Variants in C10orf71 observed in about 807,000 individuals in gnomAD.
C10orf71 encodes the protein cardiac-enriched FHL2-interacting protein.
For synonymous variants in C10orf71, 758 were observed against 726.3 expected, an observed-to-expected ratio of 1.04 and a Z score of -0.70; for missense variants, 1,869 against 1,804.5, an observed-to-expected ratio of 1.04 and a Z score of -0.65.
chr10:49,308,787 G>A (rs199891449), intron 1 of C10orf71, among the ~76,000 whole-genome samples: 4 of 152,212 alleles, frequency 2.6e-5, no homozygotes, highest in East Asian at 1.9e-4. Context: ...TCACGCTTAC[G>A]AGATCTTACG....
chr10:49,326,726 C>G lies in C10orf71; in HGVS notation c.4181C>G (p.Pro1394Arg). The change falls in exon 3 of 3, where the codon CCG becomes CGG. Residue 1394 changes from proline (P) to arginine (R), a missense_variant. Coordinates refer to ENST00000374144, the MANE Select transcript of C10orf71 (RefSeq NM_001135196.2). ...LDPGPHGDCT[P>R]HSAGQRPHGP... ...CCAGGGCCTCACGGTGACTGCACCC[C>G]GCACTCTGCAGGCCAGCGCCCTCAT... The G allele has an allele frequency of 6.4e-7, 1 of 1,551,318 alleles. No individual in the cohort carries two copies. Among genetic ancestry groups the G allele is most frequent in the African/African-American group, 1.4e-5 (1 of 73,158 alleles).
chr10:49,325,153 C>T lies in C10orf71; in HGVS notation c.2608C>T (p.Pro870Ser), dbSNP rs1849196582. 5 of 1,552,128 alleles carry T rather than the reference C, an allele frequency of 3.2e-6. No individual in the cohort carries two copies. The highest frequency in any genetic ancestry group is 2.7e-5 in the African/African-American group (2 of 73,164). The stretch of plus-strand genomic sequence containing the variant: ...CCTCAGAGCTACCCCCGTAATTAAA[C>T]CTATCATGCTGCCTCTCCTGAGGAC... ...NTLRATPVIK[P>S]IMLPLLRTMS... The change falls in exon 3 of 3, where the codon CCT (proline) becomes TCT (serine). Residue 870 changes from proline (P) to serine (S), a missense_variant. Pro to Ser is a moderately conservative substitution (Grantham distance 74, BLOSUM62 -1). Coordinates refer to ENST00000374144, the MANE Select transcript of C10orf71 (RefSeq NM_001135196.2).
chr10:49,323,330 C>T lies in C10orf71; in HGVS notation c.785C>T (p.Pro262Leu), dbSNP rs774897145. 6.2e-7 allele frequency: 1 copy of T among 1,613,872 alleles called. No individual in the cohort carries two copies. The highest frequency in any genetic ancestry group is 8.5e-7 in the Non-Finnish European group (1 of 1,179,838). ...CACCACAAGCCAGTCACGGGTGAGC[C>T]TGGGAGAGGCAAAGGTACCTTTCTG... ...SPHHKPVTGEPGRGKGTFLHS... is the reference protein window; with the variant it reads ...SPHHKPVTGELGRGKGTFLHS... The change falls in exon 3 of 3, where the codon CCT (proline) becomes CTT (leucine). Residue 262 changes from proline to leucine, a missense_variant. Coordinates refer to ENST00000374144, the MANE Select transcript of C10orf71 (RefSeq NM_001135196.2).
chr10:49,323,189 A>C lies in C10orf71; in HGVS notation c.644A>C (p.Lys215Thr), dbSNP rs1454599206. The part of the protein sequence containing the change: ...THQNSYQPGR[K>T]HGEQESSKNP... ...CAGAACAGCTACCAGCCAGGCAGGA[A>C]GCACGGAGAACAGGAGTCCTCCAAG... Residue 215 changes from lysine to threonine, a missense_variant, in exon 3 of 3, where the codon AAG (lysine) becomes ACG (threonine). Lys to Thr is a moderately conservative substitution (Grantham distance 78, BLOSUM62 -1). Transcript: ENST00000374144. 1.2e-6 allele frequency: 2 copies of C among 1,614,002 alleles called. No homozygotes were observed. Among genetic ancestry groups the C allele is most frequent in the South Asian group, 2.2e-5 (2 of 91,080 alleles).
rs182620909 is a variant in C10orf71, at chr10:49,321,686, C to A, written c.-144-716C>A. On this transcript the variant is annotated intron_variant, in intron 2 of 2. Transcript: ENST00000374144. The stretch of plus-strand genomic sequence containing the variant: ...TCCACCAACAGTGTACAGGGGTCCC[C>A]TTTTCTCCACATCCTTACCAACACT... Among the ~76,000 whole-genome samples, 514 of 152,308 alleles carry A rather than the reference C, an allele frequency of 3.4e-3. 2 individuals carry two copies. The highest frequency in any genetic ancestry group is 0.011 in the African/African-American group (460 of 41,572).
At chr10:49,311,970 GA>G (rs888688459) in intron 1 of C10orf71, among the ~76,000 whole-genome samples, 4 of 152,118 alleles carry the variant, frequency 2.6e-5, no homozygotes, top group African/African-American at 9.7e-5. Context: ...GCATGGCATG[GA>G]AAAAAAGCAT....
Position 49,323,481 on chromosome 10 carries a change from A to G in C10orf71, c.936A>G (p.Leu312=). The change falls in exon 3 of 3, where the codon CTA becomes CTG. Residue 312 remains leucine, a synonymous_variant. Coordinates refer to ENST00000374144, the MANE Select transcript of C10orf71 (RefSeq NM_001135196.2). ...AGCACTATGGGGACACGACCTTGCTAAGAGAACCCTGTCCTCCTGAGCGCA... is the reference window on the plus strand; with the variant it reads ...AGCACTATGGGGACACGACCTTGCTGAGAGAACCCTGTCCTCCTGAGCGCA... ...APKHYGDTTL[L]REPCPPERTV... is the part of the protein sequence containing the mutation. 1 of 1,613,840 alleles carries G rather than the reference A, an allele frequency of 6.2e-7. No homozygotes were observed. Among genetic ancestry groups the G allele is most frequent in the Non-Finnish European group, 8.5e-7 (1 of 1,179,734 alleles).
At chr10:49,320,195 C>T (rs757949129) in intron 2 of C10orf71, among the ~76,000 whole-genome samples, 2 of 152,058 alleles carry the variant, frequency 1.3e-5, no homozygotes, top group Non-Finnish European at 2.9e-5. Context: ...TTAGGGAGTC[C>T]CCAGGGATGT....
intron 2 of C10orf71, among the ~76,000 whole-genome samples, chr10:49,320,380 A>C (rs1849074101): frequency 6.6e-6 from 1 of 152,170 alleles, no homozygotes; most frequent in Non-Finnish European, 1.5e-5. Context: ...CCACCCCCAC[A>C]GGCTGGTCCC....
Position 49,326,727 on chromosome 10 carries a change from G to A in C10orf71, c.4182G>A (p.Pro1394=). The A allele has an allele frequency of 3.9e-6, 6 of 1,551,090 alleles. No individual in the cohort carries two copies. The highest frequency in any genetic ancestry group is 1.4e-5 in the African/African-American group (1 of 73,092). The change falls in exon 3 of 3, where the codon CCG becomes CCA. Residue 1394 remains proline (P), a synonymous_variant. Transcript: ENST00000374144. ...LDPGPHGDCT[P]HSAGQRPHGP... ...CAGGGCCTCACGGTGACTGCACCCC[G>A]CACTCTGCAGGCCAGCGCCCTCATG...
In C10orf71 at chr10:49,322,353, G is replaced by A; in HGVS notation, c.-144-49G>A. 2 of 597,110 alleles carry A rather than the reference G, an allele frequency of 3.3e-6. 1 individual carries two copies. The highest frequency in any genetic ancestry group is 4.5e-5 in the South Asian group (2 of 44,318). 37.0% of individuals were successfully genotyped at this position (597,110 alleles called of 1,614,324 possible). On this transcript the variant is annotated intron_variant, in intron 2 of 2. Transcript: ENST00000374144. Reference sequence around the variant, plus strand: ...TCCACCTGAACCAGCACATATTCTTGTGTAGAGCTGTATACTTTGTTCACG... The same window carrying A: ...TCCACCTGAACCAGCACATATTCTTATGTAGAGCTGTATACTTTGTTCACG...
intron 2 of C10orf71, among the ~76,000 whole-genome samples, chr10:49,317,901 A>G (rs1220234904): frequency 6.6e-6 from 1 of 152,170 alleles, no homozygotes; most frequent in Non-Finnish European, 1.5e-5. Context: ...ATGTGGACAG[A>G]GAGACAAGCA....
upstream of C10orf71, among the ~76,000 whole-genome samples, chr10:49,297,981 T>C (rs1211478990): frequency 6.6e-6 from 1 of 152,110 alleles, no homozygotes; most frequent in Non-Finnish European, 1.5e-5. Context: ...AGGAGGCGGG[T>C]CTGAATGCTC....
chr10:49,324,558 G>A lies in C10orf71; in HGVS notation c.2013G>A (p.Gly671=), dbSNP rs201126964. Residue 671 remains glycine, a synonymous_variant, in exon 3 of 3, where the codon GGG becomes GGA. Coordinates refer to ENST00000374144, the MANE Select transcript of C10orf71 (RefSeq NM_001135196.2). The part of the protein sequence containing the change: ...EKMKTHQLEN[G]LSRSVSQETE... ...TGAAGACCCACCAGCTAGAGAATGG[G>A]CTCTCCAGATCTGTGTCCCAAGAGA... 773 of 1,613,642 alleles carry A rather than the reference G, an allele frequency of 4.8e-4. 1 individual carries two copies. The highest frequency in any genetic ancestry group is 5.4e-4 in the Non-Finnish European group (641 of 1,179,818).
At chr10:49,308,377 G>T (rs182552194) in intron 1 of C10orf71, among the ~76,000 whole-genome samples, 14 of 152,332 alleles carry the variant, frequency 9.2e-5, no homozygotes, top group Admixed American at 3.9e-4. Context: ...GGGCACAGTG[G>T]CCTCAGAGTC....
At position 49,327,148 on chromosome 10, in the gene C10orf71, T is replaced by G; in HGVS notation, c.*295T>G. ...CTCCAGCCCTTCTCCCTCCCTCCCT[T>G]CCTCCCTCTCCTGGCCCACCCTGCT... is the stretch of plus-strand genomic sequence containing the variant. On this transcript the variant is annotated 3_prime_UTR_variant, in exon 3 of 3. Transcript: ENST00000374144. The G allele has an allele frequency of 1.1e-6, 1 of 889,940 alleles. No individual in the cohort carries two copies. The highest frequency in any genetic ancestry group is 1.6e-6 in the Non-Finnish European group (1 of 634,046). The allele number at this position is 889,940 out of a possible 1,614,324, so 55.1% of individuals were successfully genotyped here. A position where few individuals can be genotyped will look rare whatever the true frequency, so the allele number is the denominator to read the frequency against.
In C10orf71 at chr10:49,322,510, G is replaced by C; in HGVS notation, c.-36G>C. On this transcript the variant is annotated 5_prime_UTR_variant, in exon 3 of 3. Coordinates refer to ENST00000374144, the MANE Select transcript of C10orf71 (RefSeq NM_001135196.2). ...GACAGAATCATCACCAGAGACACCT[G>C]CCGGCTGACAAGGACAGCTTTCTTG... The C allele has an allele frequency of 6.4e-7, 1 of 1,551,644 alleles. No individual in the cohort carries two copies. Among genetic ancestry groups the C allele is most frequent in the South Asian group, 1.2e-5 (1 of 80,588 alleles).
In C10orf71 at chr10:49,327,064, T is replaced by G; in HGVS notation, c.*211T>G. 1 of 1,508,996 alleles carries G rather than the reference T, an allele frequency of 6.6e-7. No individual in the cohort carries two copies. The allele number at this position is 1,508,996 out of a possible 1,614,324, so 93.5% of individuals were successfully genotyped here. A position where few individuals can be genotyped will look rare whatever the true frequency, so the allele number is the denominator to read the frequency against. On this transcript the variant is annotated 3_prime_UTR_variant, in exon 3 of 3. Coordinates refer to ENST00000374144, the MANE Select transcript of C10orf71 (RefSeq NM_001135196.2). ...AAAGGGCTCCCTGGCTCTCCTCTGA[T>G]GGAGGGGCACTGCTTGCTTGGCCCG...
In C10orf71 at chr10:49,318,209, G is replaced by A. The variant is rs187270251; in HGVS notation, c.-145+1962G>A. On this transcript the variant is annotated intron_variant, in intron 2 of 2. Transcript: ENST00000374144. ...AGAAATTGCTCCTTTGATTAGAAAG[G>A]CAGGAACTTTCACAGACTGCTGGCT... Among the ~76,000 whole-genome samples the A allele has an allele frequency of 3.9e-5, 6 of 152,350 alleles. No homozygotes were observed. In the East Asian group the frequency reaches 1.2e-3, roughly 29 times the overall value.
Sources: gnomAD v4.1 joint callset for allele counts (sites outside exome capture counted in the v4.1 genomes callset) on GRCh38, gnomAD v4.1.1 for gene constraint, MANE v1.5 for transcripts, NCBI Gene and HGNC (gene_info 2026-07-23, HGNC 2026-07-21) for gene names.